TLN2: variants seen among roughly 807,000 people sequenced by gnomAD.
TLN2 encodes talin 2.
TLN2 carries 118 observed loss-of-function variants against 294.7 expected under a neutral mutation model. That is an observed-to-expected ratio of 0.40 (90% CI 0.34 to 0.47). TLN2 has a LOEUF of 0.47. Ranked by LOEUF, TLN2 falls within the 20% of genes least tolerant of loss-of-function variation. The probability of loss-of-function intolerance (pLI) is 0.84; values close to 1 mark genes in which losing one functional copy is unlikely to be tolerated. For missense variants in TLN2, 3,083 were observed against 3,282.2 expected (o/e 0.94, Z 1.48); for synonymous variants, 1,431 against 1,304.5 (o/e 1.10, Z -2.09).
intron 1 of TLN2, among the ~76,000 whole-genome samples, chr15:62,520,956 C>G (rs1018080134): frequency 2.6e-5 from 4 of 152,136 alleles, no homozygotes; most frequent in Non-Finnish European, 5.9e-5. Context: ...TTAAATTAGA[C>G]GTGCAAAAAG....
chr15:62,842,502 G>C lies in TLN2; in HGVS notation c.*1892G>C, dbSNP rs936060158. The C allele has an allele frequency of 2.6e-5, 4 of 152,262 alleles. No individual in the cohort carries two copies. Among genetic ancestry groups the C allele is most frequent in the African/African-American group, 9.7e-5 (4 of 41,436 alleles). 9.4% of individuals were successfully genotyped at this position (152,262 alleles called of 1,614,324 possible). A position where few individuals can be genotyped will look rare whatever the true frequency, so the allele number is the denominator to read the frequency against. ...AGTCACAATGTGTTCATGGCCTCCT[G>C]TAACAGGACTCTGGGGATCCCCTCT... On this transcript the variant is annotated 3_prime_UTR_variant, in exon 59 of 59. Coordinates refer to ENST00000636159, the MANE Select transcript of TLN2 (RefSeq NM_015059.3).
rs144664191 is a variant in TLN2, at chr15:62,520,208, C to A, written c.-237-69479C>A. 9.2e-4 allele frequency among the ~76,000 whole-genome samples: 140 copies of A among 152,326 alleles called. 1 individual carries two copies. Among genetic ancestry groups the A allele is most frequent in the South Asian group, 2.5e-3 (12 of 4,816 alleles). On this transcript the variant is annotated intron_variant, in intron 1 of 58. Coordinates refer to ENST00000636159, the MANE Select transcript of TLN2 (RefSeq NM_015059.3). Reference sequence around the variant, plus strand: ...GAGATTTGTTAGGGACACAGCCAAACCATATCAGTGTCTAAAATCAAGTTT... The same window carrying A: ...GAGATTTGTTAGGGACACAGCCAAAACATATCAGTGTCTAAAATCAAGTTT...
chr15:62,815,177 TCA>T (rs3055852), intron 52 of TLN2, among the ~76,000 whole-genome samples: 9,708 of 140,318 alleles, frequency 0.069, 361 homozygotes, highest in East Asian at 0.091. Flanking sequence ...ATTCTGTCTG[TCA>T]CACACACACA....
intron 1 of TLN2, among the ~76,000 whole-genome samples, chr15:62,562,914 A>T (rs1402844692): frequency 1.2e-4 from 7 of 57,100 alleles, no homozygotes; most frequent in South Asian, 9.4e-4. Flanking sequence ...CATCACACAC[A>T]CACACACACA....
chr15:62,774,404 A>G (rs959381782), intron 42 of TLN2, among the ~76,000 whole-genome samples: 4 of 152,266 alleles, frequency 2.6e-5, no homozygotes, highest in African/African-American at 9.6e-5. Flanking sequence ...GATGCCACTT[A>G]TGAGATTGCT....
chr15:62,721,151 C>T lies in TLN2; in HGVS notation c.2992-1202C>T, dbSNP rs766001829. Reference sequence around the variant, plus strand: ...GCTAGTATAGATACTCAGATCTTTACGAGAAAAAGGGAAGGTTGAAAATAA... The same window carrying T: ...GCTAGTATAGATACTCAGATCTTTATGAGAAAAAGGGAAGGTTGAAAATAA... On this transcript the variant is annotated intron_variant, in intron 25 of 58. Transcript: ENST00000636159. 2.7e-4 allele frequency among the ~76,000 whole-genome samples: 41 copies of T among 151,784 alleles called. 1 individual carries two copies. The highest frequency in any genetic ancestry group is 2.0e-4 in the Admixed American group (3 of 15,246).
rs113462045 is a variant in TLN2, at chr15:62,486,923, G to T, written c.-238+96238G>T. On this transcript the variant is annotated intron_variant, in intron 1 of 58. Transcript: ENST00000636159. ...GGCTAATGTTCACAGAGAGCTCATAGTGAGGAATAAATTGCCTGAGATTTG... is the reference window on the plus strand; with the variant it reads ...GGCTAATGTTCACAGAGAGCTCATATTGAGGAATAAATTGCCTGAGATTTG... 6.4e-3 allele frequency among the ~76,000 whole-genome samples: 972 copies of T among 152,044 alleles called. 5 individuals carry two copies. The highest frequency in any genetic ancestry group is 0.011 in the Non-Finnish European group (743 of 67,992).
chr15:62,525,548 G>C (rs2040690928), intron 1 of TLN2, among the ~76,000 whole-genome samples: 1 of 152,178 alleles, frequency 6.6e-6, no homozygotes, highest in African/African-American at 2.4e-5. Flanking sequence ...CTTTTCTGTG[G>C]TAATGTTGCA....
intron 54 of TLN2, chr15:62,827,992 C>G (rs182021319): frequency 6.6e-6 from 1 of 152,298 alleles, no homozygotes; most frequent in African/African-American, 2.4e-5. Context: ...TCTCCACTTT[C>G]CACACCACTT....
chr15:62,836,087 A>T lies in TLN2; in HGVS notation c.7374+14A>T. ...AGGCGGCTACAGGTAATGGTCACTG[A>T]TGCTGGTGGGAAAATACTCCTGTTG... On this transcript the variant is annotated intron_variant, in intron 57 of 58. Coordinates refer to ENST00000636159, the MANE Select transcript of TLN2 (RefSeq NM_015059.3). The T allele has an allele frequency of 3.7e-6, 6 of 1,600,298 alleles. No individual in the cohort carries two copies. The highest frequency in any genetic ancestry group is 5.1e-6 in the Non-Finnish European group (6 of 1,173,900).
chr15:62,743,965 C>G (rs1172968178), intron 32 of TLN2, among the ~76,000 whole-genome samples: 1 of 152,124 alleles, frequency 6.6e-6, no homozygotes, highest in East Asian at 1.9e-4. Flanking sequence ...CCTCCTGTCC[C>G]CAAAGACTGT....
chr15:62,776,394 A>G (rs1356007438), intron 42 of TLN2, among the ~76,000 whole-genome samples: 2 of 152,196 alleles, frequency 1.3e-5, no homozygotes, highest in East Asian at 3.8e-4. Flanking sequence ...AGAGACGTAC[A>G]TTTATTTTAA....
chr15:62,574,452 A>G (rs907793055), intron 1 of TLN2, among the ~76,000 whole-genome samples: 5 of 151,584 alleles, frequency 3.3e-5, no homozygotes, highest in African/African-American at 9.7e-5. Flanking sequence ...ATGGTGGTAC[A>G]TGCTTGTAGC....
chr15:62,790,697 TG>T (rs1179052170), intron 45 of TLN2, among the ~76,000 whole-genome samples: 1 of 152,270 alleles, frequency 6.6e-6, no homozygotes, highest in African/African-American at 2.4e-5. Flanking sequence ...TCTGTGGATC[TG>T]GAACACTTCA....
intron 1 of TLN2, among the ~76,000 whole-genome samples, chr15:62,498,591 G>A (rs1367964416): frequency 2.0e-5 from 3 of 152,186 alleles, no homozygotes; most frequent in South Asian, 2.1e-4. Flanking sequence ...TTCTGTATCG[G>A]TGGCTGTGTT....
At chr15:62,422,873 T>C (rs1160963381) in intron 1 of TLN2, among the ~76,000 whole-genome samples, 1 of 152,222 alleles carries the variant, frequency 6.6e-6, no homozygotes, top group Non-Finnish European at 1.5e-5. Context: ...ACCCCTCTCC[T>C]GGAGATGCTG....
At chr15:62,506,540 C>T (rs180742946) in intron 1 of TLN2, among the ~76,000 whole-genome samples, 1 of 152,322 alleles carries the variant, frequency 6.6e-6, no homozygotes, top group East Asian at 1.9e-4. Context: ...GCCCTCCTGC[C>T]AGGAGATCCT....
At chr15:62,547,855 A>G (rs1272271074) in intron 1 of TLN2, among the ~76,000 whole-genome samples, 1 of 151,970 alleles carries the variant, frequency 6.6e-6, no homozygotes, top group Non-Finnish European at 1.5e-5. Context: ...TGATGTTGGA[A>G]TATGTTGCCT....
Position 62,731,729 on chromosome 15 carries a change from C to G in TLN2, c.3358+4540C>G, listed in dbSNP as rs376766395. ...AAAGCAATCCTAAACATTGGACTCA[C>G]TCCTTCATTTCAAGATCTTGGCCCT... is the stretch of plus-strand genomic sequence containing the variant. On this transcript the variant is annotated intron_variant, in intron 28 of 58. Coordinates refer to ENST00000636159, the MANE Select transcript of TLN2 (RefSeq NM_015059.3). Among the ~76,000 whole-genome samples the G allele has an allele frequency of 4.6e-4, 70 of 152,268 alleles. No homozygotes were observed. The South Asian group carries it at 0.012, about 26-fold the overall frequency.
Sources: gnomAD v4.1 joint callset for allele counts (sites outside exome capture counted in the v4.1 genomes callset) on GRCh38, gnomAD v4.1.1 for gene constraint, MANE v1.5 for transcripts, NCBI Gene and HGNC (gene_info 2026-07-23, HGNC 2026-07-21) for gene names.